The following MGA variants were observed in gnomAD, a reference collection of about 807,000 sequenced individuals.
MGA encodes the protein MAX gene-associated protein.
Under a neutral mutation model 261.1 loss-of-function variants are expected in MGA, and 40 were observed. That is an observed-to-expected ratio of 0.15 (90% CI 0.12 to 0.20). The LOEUF is 0.20. Ranked by LOEUF, MGA falls within the 10% of genes least tolerant of loss-of-function variation. MGA has a pLI of 1.00. For missense variants in MGA, 3,397 were observed against 3,630.5 expected (o/e 0.94, Z 1.65); for synonymous variants, 1,302 against 1,290.6 (o/e 1.01, Z -0.19).
At chr15:41,726,420 T>TA (rs1315059712) in intron 9 of MGA, among the ~76,000 whole-genome samples, 3 of 152,162 alleles carry the variant, frequency 2.0e-5, no homozygotes, top group Non-Finnish European at 4.4e-5. Context: ...ATTTAGGAAA[T>TA]AAAGTGTGGT....
chr15:41,681,830 T>C (rs376191433), intron 2 of MGA, among the ~76,000 whole-genome samples: 3 of 152,352 alleles, frequency 2.0e-5, no homozygotes, highest in African/African-American at 7.2e-5. Context: ...AATTTTCTTT[T>C]ATAACTTTGT....
At chr15:41,753,548 G>A (rs941524563) in intron 17 of MGA, among the ~76,000 whole-genome samples, 7 of 151,848 alleles carry the variant, frequency 4.6e-5, no homozygotes, top group South Asian at 2.1e-4. Flanking sequence ...TCCTTTTTTG[G>A]TATAATAAGG....
intron 9 of MGA, among the ~76,000 whole-genome samples, chr15:41,717,953 C>T (rs1288029874): frequency 6.7e-6 from 1 of 150,340 alleles, no homozygotes; most frequent in Non-Finnish European, 1.5e-5. Context: ...AATCAGTATA[C>T]TTTGCCATTA....
intron 1 of MGA, among the ~76,000 whole-genome samples, chr15:41,627,016 C>T (rs906437054): frequency 3.3e-5 from 5 of 152,122 alleles, no homozygotes; most frequent in East Asian, 3.8e-4. Context: ...AGGTGATTCT[C>T]GTGTCTCAGC....
At chr15:41,698,044 G>T (rs2059634397) in intron 3 of MGA, among the ~76,000 whole-genome samples, 1 of 142,342 alleles carries the variant, frequency 7.0e-6, no homozygotes, top group African/African-American at 2.6e-5. Flanking sequence ...AATTTTTTTT[G>T]TATTTTTAGT....
At chr15:41,726,615 G>A (rs1365346139) in intron 9 of MGA, among the ~76,000 whole-genome samples, 1 of 151,714 alleles carries the variant, frequency 6.6e-6, no homozygotes, top group Non-Finnish European at 1.5e-5. Flanking sequence ...TGTAATCCCA[G>A]CTACTCAGGT....
intron 2 of MGA, among the ~76,000 whole-genome samples, chr15:41,670,919 G>A (rs1417122601): frequency 6.6e-6 from 1 of 152,168 alleles, no homozygotes; most frequent in South Asian, 2.1e-4. Context: ...TACAAATAAC[G>A]ACTCTGAATC....
chr15:41,625,489 C>T (rs576256302), intron 1 of MGA, among the ~76,000 whole-genome samples: 4 of 149,418 alleles, frequency 2.7e-5, no homozygotes, highest in Non-Finnish European at 4.4e-5. Flanking sequence ...ACACACTAAA[C>T]GCTTGCTCCT....
intron 14 of MGA, among the ~76,000 whole-genome samples, chr15:41,741,483 A>G (rs1458152552): frequency 2.0e-5 from 3 of 152,124 alleles, no homozygotes; most frequent in Non-Finnish European, 4.4e-5. Context: ...GGAATATGTA[A>G]TACGTAAGCA....
intron 1 of MGA, among the ~76,000 whole-genome samples, chr15:41,649,197 G>C (rs932108587): frequency 1.3e-5 from 2 of 151,844 alleles, no homozygotes; most frequent in Non-Finnish European, 2.9e-5. Context: ...GCCTGGCCAA[G>C]ATGGTGAAAC....
At chr15:41,720,678 A>G (rs539774678) in intron 9 of MGA, among the ~76,000 whole-genome samples, 2 of 152,144 alleles carry the variant, frequency 1.3e-5, no homozygotes, top group African/African-American at 4.8e-5. Context: ...CTAAAAATAC[A>G]AAAAATTAGC....
intron 1 of MGA, among the ~76,000 whole-genome samples, chr15:41,667,961 A>T (rs983032938): frequency 4.6e-5 from 7 of 151,534 alleles, no homozygotes; most frequent in African/African-American, 1.7e-4. Context: ...GCACCACCAC[A>T]CCAGGCTAAT....
rs567767775 is a variant in MGA at position 41,652,495 on chromosome 15, G to A, written c.-67-16333G>A. Among the ~76,000 whole-genome samples, 6 of 151,650 alleles carry A rather than the reference G, an allele frequency of 4.0e-5. No homozygotes were observed. In the East Asian group the frequency reaches 1.2e-3, roughly 29 times the overall value. On this transcript the variant is annotated intron_variant, in intron 1 of 8. Coordinates refer to the MGA transcript ENST00000566718. The stretch of plus-strand genomic sequence containing the variant: ...ATCCTCCCACCTCAGCCTCTGAGTA[G>A]CTAGGACTATAGGCATGCACCACCA...
intron 1 of MGA, among the ~76,000 whole-genome samples, chr15:41,622,953 A>G (rs1455954559): frequency 6.6e-6 from 1 of 152,250 alleles, no homozygotes; most frequent in East Asian, 1.9e-4. Context: ...TTATTGAGCA[A>G]TCATAATAGC....
chr15:41,694,816 G>T (rs2059471442), intron 2 of MGA, among the ~76,000 whole-genome samples: 1 of 152,050 alleles, frequency 6.6e-6, no homozygotes, highest in Non-Finnish European at 1.5e-5. Context: ...CCGGCTCCAG[G>T]GTTTAATTCA....
At chr15:41,662,676 C>T (rs1028593211) in intron 1 of MGA, among the ~76,000 whole-genome samples, 1 of 152,154 alleles carries the variant, frequency 6.6e-6, no homozygotes, top group Non-Finnish European at 1.5e-5. Flanking sequence ...ATATTTATAT[C>T]CACATTCTGT....
At chr15:41,622,924 G>A (rs1234897378) in intron 1 of MGA, among the ~76,000 whole-genome samples, 3 of 152,172 alleles carry the variant, frequency 2.0e-5, no homozygotes, top group African/African-American at 7.2e-5. Flanking sequence ...AATTTTGTGC[G>A]AACACATCTG....
At chr15:41,764,216 G>GC (rs917808782) in intron 22 of MGA, among the ~76,000 whole-genome samples, 23 of 150,516 alleles carry the variant, frequency 1.5e-4, no homozygotes, top group African/African-American at 5.6e-4. Context: ...TGTTTGGATA[G>GC]CCCAGTGTAT....
intron 12 of MGA, 103 bp downstream of exon 12, chr15:41,734,697 C>T: frequency 1.1e-6 from 1 of 878,490 alleles, no homozygotes; most frequent in South Asian, 2.0e-5. Flanking sequence ...AATATGTCTG[C>T]CTACCCTGTT....
Sources: allele counts gnomAD v4.1 joint callset (sites outside exome capture counted in the v4.1 genomes callset), GRCh38; gene constraint gnomAD v4.1.1; transcripts MANE v1.5; gene names NCBI Gene and HGNC (gene_info 2026-07-23, HGNC 2026-07-21).